The following ITGB3 variants were observed in gnomAD, a reference collection of about 807,000 sequenced individuals.
The protein encoded by ITGB3 is integrin subunit beta 3, also known as integrin beta-3.
Under a neutral mutation model 85.8 loss-of-function variants are expected in ITGB3, and 48 were observed. The ratio of observed to expected loss-of-function variants is 0.56; its 90% CI spans 0.44 to 0.71. The LOEUF is 0.71. ITGB3 is among the 30% of genes least tolerant of loss of function. The pLI is 0.00. For synonymous variants in ITGB3, 363 were observed against 395.6 expected (o/e 0.92, Z 0.98); for missense variants, 861 against 1,019.1 (o/e 0.84, Z 2.11).
chr17:47,292,683 C>T (rs2065132048), intron 10 of ITGB3, 115 bp downstream of exon 10: 1 of 1,053,420 alleles, frequency 9.5e-7, no homozygotes, highest in Non-Finnish European at 1.4e-6. Flanking sequence ...AGGTGTAAGT[C>T]AGTGGTTCCT....
chr17:47,304,138 C>G (rs937323404), intron 13 of ITGB3, among the ~76,000 whole-genome samples: 2 of 152,090 alleles, frequency 1.3e-5, no homozygotes, highest in Admixed American at 6.6e-5. Flanking sequence ...GTGATCCCCC[C>G]GCCTCAGCCC....
chr17:47,291,263 T>C lies in ITGB3; in HGVS notation c.1260+175T>C, dbSNP rs2065124590. The C allele has an allele frequency of 7.1e-6, 5 of 700,590 alleles. No homozygotes were observed. In the Admixed American group the frequency reaches 1.3e-4, roughly 18 times the overall value. 43.4% of individuals were successfully genotyped at this position (700,590 alleles called of 1,614,324 possible). ...AGATGTAATGGATCCACCAATCTTT[T>C]CCTCTGAGGCTTCTGTTGCGTAAGC... On this transcript the variant is annotated intron_variant, in intron 9 of 14. Transcript: ENST00000559488.
rs543023015 is a variant in ITGB3 at position 47,283,536 on chromosome 17, C to A, written c.348C>A (p.Leu116=). The A allele has an allele frequency of 6.2e-7, 1 of 1,614,196 alleles. No individual in the cohort carries two copies. Among genetic ancestry groups the A allele is most frequent in the South Asian group, 1.1e-5 (1 of 91,084 alleles). The part of the protein sequence containing the change: ...VTQVSPQRIA[L]RLRPDDSKNF... Reference sequence around the variant, plus strand: ...AAGTCAGTCCCCAGAGGATTGCACTCCGGCTCCGGCCAGGTAGGGCTGGGA... The same window carrying A: ...AAGTCAGTCCCCAGAGGATTGCACTACGGCTCCGGCCAGGTAGGGCTGGGA... The change falls in exon 3 of 15, where the codon CTC becomes CTA. Residue 116 remains leucine, a synonymous_variant. Coordinates refer to ENST00000559488, the MANE Select transcript of ITGB3 (RefSeq NM_000212.3).
chr17:47,305,165 A>G (rs1235969209), intron 13 of ITGB3, among the ~76,000 whole-genome samples: 4 of 152,182 alleles, frequency 2.6e-5, no homozygotes, highest in Non-Finnish European at 5.9e-5. Context: ...TTTTACTTTG[A>G]TAATTGAGGG....
chr17:47,287,169 C>G lies in ITGB3; in HGVS notation c.877C>G (p.Gln293Glu), dbSNP rs1193381168. 1.9e-6 allele frequency: 3 copies of G among 1,613,900 alleles called. No homozygotes were observed. The highest frequency in any genetic ancestry group is 2.5e-6 in the Non-Finnish European group (3 of 1,179,906). The change falls in exon 6 of 15, where the codon CAG becomes GAG. Residue 293 changes from glutamine (Q) to glutamate (E), a missense_variant. Coordinates refer to ENST00000559488, the MANE Select transcript of ITGB3 (RefSeq NM_000212.3). ...GGACGGAAGGCTGGCAGGCATTGTCCAGCCTAATGACGGGCAGTGTCATGT... is the reference window on the plus strand; with the variant it reads ...GGACGGAAGGCTGGCAGGCATTGTCGAGCCTAATGACGGGCAGTGTCATGT... ...ALDGRLAGIV[Q>E]PNDGQCHVGS...
Position 47,311,725 on chromosome 17 carries a change from G to A in ITGB3, c.*1521G>A, listed in dbSNP as rs1420002092. 2.0e-5 allele frequency: 3 copies of A among 152,100 alleles called. No homozygotes were observed. Among genetic ancestry groups the A allele is most frequent in the Non-Finnish European group, 4.4e-5 (3 of 68,028 alleles). The allele number at this position is 152,100 out of a possible 1,614,324, so 9.4% of individuals were successfully genotyped here. A position where few individuals can be genotyped will look rare whatever the true frequency, so the allele number is the denominator to read the frequency against. ...TGTTCTTTTGTCCCAGAAAAGCAGT[G>A]GCTCCATTGGTGTTGACATACATCC... On this transcript the variant is annotated 3_prime_UTR_variant, in exon 15 of 15. Transcript: ENST00000559488.
intron 12 of ITGB3, among the ~76,000 whole-genome samples, chr17:47,301,245 G>T (rs890271198): frequency 6.6e-6 from 1 of 152,154 alleles, no homozygotes; most frequent in African/African-American, 2.4e-5. Context: ...ATCTGATATA[G>T]TTATGTGGGC....
At position 47,289,691 on chromosome 17, in the gene ITGB3, C is replaced by T. The variant is rs745447879; in HGVS notation, c.950C>T (p.Ser317Phe). The T allele has an allele frequency of 5.0e-6, 8 of 1,612,292 alleles. No individual in the cohort carries two copies. Among genetic ancestry groups the T allele is most frequent in the African/African-American group, 1.3e-5 (1 of 74,866 alleles). Residue 317 changes from serine to phenylalanine, a missense_variant, in exon 7 of 15, where the codon TCT becomes TTT. Coordinates refer to ENST00000559488, the MANE Select transcript of ITGB3 (RefSeq NM_000212.3). The part of the protein sequence containing the change: ...YSASTTMDYP[S>F]LGLMTEKLSQ... ...CCTTCATTTTCCTAGGATTATCCCT[C>T]TTTGGGGCTGATGACTGAGAAGCTA...
chr17:47,279,496 A>G (rs1442402152), intron 2 of ITGB3: 1 of 152,230 alleles, frequency 6.6e-6, no homozygotes, highest in African/African-American at 2.4e-5. Flanking sequence ...CTCTGATGTC[A>G]GCAACCACAA....
At chr17:47,289,835 C>A in intron 7 of ITGB3, 59 bp downstream of exon 7, 2 of 1,188,668 alleles carry the variant, frequency 1.7e-6, no homozygotes, top group Non-Finnish European at 2.5e-6. Context: ...CCCCAGGTAG[C>A]CAGCCTGTGC....
intron 5 of ITGB3, 38 bp from the exon 6 acceptor site, chr17:47,287,032 T>G: frequency 6.2e-7 from 1 of 1,603,834 alleles, no homozygotes; most frequent in Non-Finnish European, 8.5e-7. Context: ...GAATTTGTTT[T>G]GTCTCCTCTG....
chr17:47,297,534 T>C (rs1260585649), intron 10 of ITGB3, among the ~76,000 whole-genome samples: 7 of 152,032 alleles, frequency 4.6e-5, no homozygotes, highest in African/African-American at 1.4e-4. Context: ...TGCATGCCTG[T>C]AGTCCTGGCT....
In ITGB3 at chr17:47,299,407, AT is replaced by A. The variant is rs780710721; in HGVS notation, c.1791del (p.Asn597LysfsTer72). 6.2e-7 allele frequency: 1 copy of A among 1,614,086 alleles called. No homozygotes were observed. The highest frequency in any genetic ancestry group is 1.3e-5 in the African/African-American group (1 of 74,944). ...TTRTDTCMSS[N>X]GLLCSGRGKC... is the part of the protein sequence containing the mutation. ...CGTACTGACACCTGCATGTCCAGCAATGGGCTGCTGTGCAGCGGCCGCGGCA... is the reference window on the plus strand; with the variant it reads ...CGTACTGACACCTGCATGTCCAGCAAGGGCTGCTGTGCAGCGGCCGCGGCA... On this transcript the variant is annotated frameshift_variant, in exon 11 of 15. Coordinates refer to ENST00000559488, the MANE Select transcript of ITGB3 (RefSeq NM_000212.3). LOFTEE classifies it high-confidence loss of function. This position sits in a 1 kb window ranked among gnomAD's most constrained non-coding sequence, Gnocchi z 5.1.
intron 13 of ITGB3, 145 bp downstream of exon 13, chr17:47,302,985 C>A: frequency 1.1e-6 from 1 of 930,118 alleles, no homozygotes; most frequent in Non-Finnish European, 1.7e-6. Context: ...TGGTGGTTAA[C>A]ACCTGTAATC....
At chr17:47,293,623 T>A (rs1171490201) in intron 10 of ITGB3, among the ~76,000 whole-genome samples, 1 of 152,086 alleles carries the variant, frequency 6.6e-6, no homozygotes, top group Non-Finnish European at 1.5e-5. Context: ...TTCTTTTTTT[T>A]TTTTGAGACG....
rs1455967816 is a variant in ITGB3, at chr17:47,262,785, G to A, written c.79+8845G>A. On this transcript the variant is annotated intron_variant, in intron 1 of 14. Transcript: ENST00000559488. ...TCACGTCTGACCCTGAGGTGGAGGC[G>A]AGGGGATGGGGATTCCTGGTGTAGG... Among the ~76,000 whole-genome samples the A allele has an allele frequency of 2.6e-5, 4 of 152,148 alleles. No individual in the cohort carries two copies. In the East Asian group the frequency reaches 7.7e-4, roughly 29 times the overall value.
In ITGB3 at chr17:47,310,516, T is replaced by C; in HGVS notation, c.*312T>C. On this transcript the variant is annotated 3_prime_UTR_variant, in exon 15 of 15. Coordinates refer to ENST00000559488, the MANE Select transcript of ITGB3 (RefSeq NM_000212.3). ...TTCCTGCTTAGCTTGAGGGTGACTA[T>C]GGAGCTGAGCAGGTGTTCTTCATTA... 2.2e-6 allele frequency: 1 copy of C among 449,658 alleles called. No individual in the cohort carries two copies. 27.9% of individuals were successfully genotyped at this position (449,658 alleles called of 1,614,324 possible).
chr17:47,306,594 G>T (rs1259013382), intron 13 of ITGB3, among the ~76,000 whole-genome samples: 4 of 152,180 alleles, frequency 2.6e-5, no homozygotes, highest in African/African-American at 9.7e-5. Flanking sequence ...TCTTTTTAAA[G>T]AGACTAATAT....
chr17:47,298,417 C>T (rs1318059281), intron 10 of ITGB3, among the ~76,000 whole-genome samples: 1 of 152,146 alleles, frequency 6.6e-6, no homozygotes, highest in Non-Finnish European at 1.5e-5. Flanking sequence ...TACTTGGCTC[C>T]GTTGGCCAAC....
Sources: allele counts gnomAD v4.1 joint callset (sites outside exome capture counted in the v4.1 genomes callset), GRCh38; gene constraint gnomAD v4.1.1; non-coding constraint Gnocchi (gnomAD v3.1); transcripts MANE v1.5; gene names NCBI Gene and HGNC (gene_info 2026-07-23, HGNC 2026-07-21).